The following DICER1 variants were observed in gnomAD, a reference collection of about 807,000 sequenced individuals.
The protein encoded by DICER1 is endoribonuclease Dicer.
In DICER1, 43 loss-of-function variants were observed where a neutral mutation model predicts 194.1. The ratio of observed to expected loss-of-function variants is 0.22; its 90% CI spans 0.17 to 0.29. The LOEUF (loss-of-function observed/expected upper bound fraction) is 0.29. Among genes scored for constraint, DICER1 ranks in the 10% least tolerant of loss-of-function variants. The pLI, the probability that DICER1 is intolerant of heterozygous loss-of-function variation, is 1.00. For missense variants in DICER1, 1,608 were observed against 2,317.0 expected, an observed-to-expected ratio of 0.69 and a Z score of 6.28; for synonymous variants, 832 against 820.5, an observed-to-expected ratio of 1.01 and a Z score of -0.24.
chr14:95,119,845 A>G (rs1391501653), intron 8 of DICER1, among the ~76,000 whole-genome samples: 2 of 152,250 alleles, frequency 1.3e-5, no homozygotes, highest in Non-Finnish European at 2.9e-5. Flanking sequence ...ATATAAAATT[A>G]CTGTCAAACT....
intron 1 of DICER1, 129 bp from the exon 2 acceptor site, chr14:95,133,632 C>A: frequency 2.7e-6 from 2 of 736,912 alleles, no homozygotes; most frequent in South Asian, 1.8e-5. Context: ...ATTGTTTTAG[C>A]TTTTTCTTGA....
rs1489631586 is a variant in DICER1, at chr14:95,108,248, TTAC to T, written c.2436+73_2436+75del. 8.4e-6 allele frequency: 12 copies of T among 1,435,882 alleles called. No individual in the cohort carries two copies. The East Asian group carries it at 2.0e-4, about 24-fold the overall frequency. The allele number at this position is 1,435,882 out of a possible 1,614,324, so 88.9% of individuals were successfully genotyped here. A position where few individuals can be genotyped will look rare whatever the true frequency, so the allele number is the denominator to read the frequency against. On this transcript the variant is annotated intron_variant, in intron 15 of 26. Transcript: ENST00000343455. Reference sequence around the variant, plus strand: ...AACATACTGAGGTAACAAAAGGTACTTACTACTAGTTTTTTTTTTTTTCCTTTT... The same window carrying T: ...AACATACTGAGGTAACAAAAGGTACTTACTAGTTTTTTTTTTTTTCCTTTT...
chr14:95,103,482 T>C lies in DICER1; in HGVS notation c.3914A>G (p.Asn1305Ser). ...GLILQALTLS[N>S]ASDGFNLERL... Reference sequence around the variant, plus strand: ...CTCCAGGTTAAATCCATCACTAGCGTTTGACAGAGTCAAAGCCTGAAGAAT... The same window carrying C: ...CTCCAGGTTAAATCCATCACTAGCGCTTGACAGAGTCAAAGCCTGAAGAAT... Residue 1305 changes from asparagine to serine, a missense_variant, in exon 21 of 27, where the codon AAC (asparagine) becomes AGC (serine). Physicochemically the swap from Asn to Ser is conservative, Grantham distance 46 (BLOSUM62 1). Coordinates refer to ENST00000343455, the MANE Select transcript of DICER1 (RefSeq NM_177438.3). 6.2e-7 allele frequency: 1 copy of C among 1,614,108 alleles called. No homozygotes were observed. The highest frequency in any genetic ancestry group is 8.5e-7 in the Non-Finnish European group (1 of 1,180,016).
At chr14:95,122,167 CA>C (rs1306183348) in intron 8 of DICER1, among the ~76,000 whole-genome samples, 2 of 152,104 alleles carry the variant, frequency 1.3e-5, no homozygotes, top group Non-Finnish European at 2.9e-5. Flanking sequence ...AAGTTGATCA[CA>C]ATTCATCTGA....
At chr14:95,129,861 T>C (rs1409098868) in intron 5 of DICER1, among the ~76,000 whole-genome samples, 197 bp downstream of exon 5, 2 of 152,220 alleles carry the variant, frequency 1.3e-5, no homozygotes, top group African/African-American at 4.8e-5. Context: ...CTATGAAAAT[T>C]ATATAGAATT....
chr14:95,096,190 C>T lies in DICER1; in HGVS notation c.4730G>A (p.Arg1577Lys), dbSNP rs1447972626. 1.9e-6 allele frequency: 3 copies of T among 1,614,220 alleles called. No individual in the cohort carries two copies. The highest frequency in any genetic ancestry group is 2.5e-6 in the Non-Finnish European group (3 of 1,180,038). ...TGAACAGAGGAAAAGCTGAGCAGCC[C>T]TCTCCCCACAGCTGGTTAAATAGCA... The part of the protein sequence containing the change: ...LGCYLTSCGE[R>K]AAQLFLCSLG... The change falls in exon 23 of 27, where the codon AGG becomes AAG. Residue 1577 changes from arginine (R) to lysine (K), a missense_variant. Arg to Lys is a conservative substitution (Grantham distance 26). Around this residue, in one of 10 missense-constraint regions of DICER1, gnomAD observed 125 missense variants for 134.9 expected, o/e 0.93. Coordinates refer to ENST00000343455, the MANE Select transcript of DICER1 (RefSeq NM_177438.3).
intron 1 of DICER1, among the ~76,000 whole-genome samples, chr14:95,143,824 C>T (rs964466158): frequency 5.3e-5 from 8 of 152,102 alleles, no homozygotes; most frequent in African/African-American, 1.9e-4. Context: ...CTAACATTAG[C>T]TTTTTTATTT....
rs1889649555 is a variant in DICER1, at chr14:95,090,071, T to C, written c.*427A>G. The C allele has an allele frequency of 2.8e-6, 1 of 352,940 alleles. No homozygotes were observed. Among genetic ancestry groups the C allele is most frequent in the Non-Finnish European group, 5.3e-6 (1 of 189,804 alleles). The allele number at this position is 352,940 out of a possible 1,614,324, so 21.9% of individuals were successfully genotyped here. ...TCAACTACTGCAGGACTGGCACTAC[T>C]GCACACACGGAGAGATGGAGAAGAA... is the stretch of plus-strand genomic sequence containing the variant. On this transcript the variant is annotated 3_prime_UTR_variant, in exon 27 of 27. Transcript: ENST00000343455.
rs538963340 is a variant in DICER1 at position 95,097,948 on chromosome 14, G to C, written c.4207-1235C>G. Among the ~76,000 whole-genome samples, 4 of 152,224 alleles carry C rather than the reference G, an allele frequency of 2.6e-5. No individual in the cohort carries two copies. The East Asian group carries it at 7.7e-4, about 29-fold the overall frequency. On this transcript the variant is annotated intron_variant, in intron 22 of 26. Coordinates refer to ENST00000343455, the MANE Select transcript of DICER1 (RefSeq NM_177438.3). Reference sequence around the variant, plus strand: ...CTGCTAACAATCTTAGACTTTCCAAGGCAACATGAAGATGTTTTTGATTGG... The same window carrying C: ...CTGCTAACAATCTTAGACTTTCCAACGCAACATGAAGATGTTTTTGATTGG...
In DICER1 at chr14:95,116,431, CATGTTA is replaced by C. The variant is rs777876738; in HGVS notation, c.1752+16_1752+21del. ...AATTTTTTTTCCCAATCTGCCGGCACATGTTAATATGTTGATCTTACCTTTTCAATA... is the reference window on the plus strand; with the variant it reads ...AATTTTTTTTCCCAATCTGCCGGCACATATGTTGATCTTACCTTTTCAATA... On this transcript the variant is annotated intron_variant, in intron 10 of 26. Transcript: ENST00000343455. 32 of 1,607,192 alleles carry C rather than the reference CATGTTA, an allele frequency of 2.0e-5. No homozygotes were observed. In the South Asian group the frequency reaches 3.5e-4, roughly 18 times the overall value.
At position 95,095,600 on chromosome 14, in the gene DICER1, G is replaced by A. The variant is rs1388993230; in HGVS notation, c.5095+225C>T. On this transcript the variant is annotated intron_variant, in intron 23 of 26. Transcript: ENST00000343455. The stretch of plus-strand genomic sequence containing the variant: ...GGCAGATATAAAATGACACTGATGA[G>A]GGTATATGATAGCCATACTCCCAAC... 1.6e-5 allele frequency: 9 copies of A among 577,272 alleles called. No individual in the cohort carries two copies. In the Admixed American group the frequency reaches 2.2e-4, roughly 14 times the overall value. 35.8% of individuals were successfully genotyped at this position (577,272 alleles called of 1,614,324 possible). A position where few individuals can be genotyped will look rare whatever the true frequency, so the allele number is the denominator to read the frequency against.
Position 95,105,268 on chromosome 14 carries a change from G to A in DICER1, c.3094-22C>T, listed in dbSNP as rs2139988975. ...GTATCTTCAAGTAAGGGGAAAAATG[G>A]ACAGATAAATACAAAGCGCACACAC... On this transcript the variant is annotated intron_variant, in intron 19 of 26. Coordinates refer to ENST00000343455, the MANE Select transcript of DICER1 (RefSeq NM_177438.3). The surrounding 1 kb of genome is among the most constrained non-coding windows in gnomAD (Gnocchi z 4.9). The A allele has an allele frequency of 1.2e-6, 2 of 1,603,522 alleles. No homozygotes were observed. The highest frequency in any genetic ancestry group is 1.7e-6 in the Non-Finnish European group (2 of 1,171,794).
chr14:95,099,993 A>G, intron 21 of DICER1, 58 bp from the exon 22 acceptor site: 1 of 1,582,000 alleles, frequency 6.3e-7, no homozygotes, highest in South Asian at 1.1e-5. Context: ...GAATTCATTC[A>G]AGGCATATTA....
chr14:95,090,328 CAT>C lies in DICER1; in HGVS notation c.*168_*169del, dbSNP rs1247943199. 1.5e-5 allele frequency: 11 copies of C among 719,550 alleles called. No individual in the cohort carries two copies. The highest frequency in any genetic ancestry group is 9.2e-5 in the South Asian group (5 of 54,426). The allele number at this position is 719,550 out of a possible 1,614,324, so 44.6% of individuals were successfully genotyped here. On this transcript the variant is annotated 3_prime_UTR_variant, in exon 27 of 27. Transcript: ENST00000343455. ...CTACAATTAGTTCCAAAATTTTATA[CAT>C]ATGTTAAATGTTTTATTCTGTTATC...
Position 95,087,212 on chromosome 14 carries a change from C to T in DICER1, c.*3286G>A, listed in dbSNP as rs565097712. ...AGCCTCAAGTTTCATGTTGTCAAGG[C>T]AGGGTATCAGAATCTTTCTGAGGGC... On this transcript the variant is annotated 3_prime_UTR_variant, in exon 27 of 27. Coordinates refer to ENST00000343455, the MANE Select transcript of DICER1 (RefSeq NM_177438.3). 8.6e-6 allele frequency: 2 copies of T among 233,166 alleles called. No homozygotes were observed. Among genetic ancestry groups the T allele is most frequent in the Admixed American group, 1.1e-4 (2 of 17,774 alleles). 14.4% of individuals were successfully genotyped at this position (233,166 alleles called of 1,614,324 possible). A position where few individuals can be genotyped will look rare whatever the true frequency, so the allele number is the denominator to read the frequency against.
At position 95,102,343 on chromosome 14, in the gene DICER1, T is replaced by G. The variant is rs116925319; in HGVS notation, c.4050+1003A>C. 7.9e-3 allele frequency among the ~76,000 whole-genome samples: 1,203 copies of G among 152,296 alleles called. 9 individuals carry two copies. Among genetic ancestry groups the G allele is most frequent in the Non-Finnish European group, 0.012 (796 of 68,024 alleles). Reference sequence around the variant, plus strand: ...TTTTAAACTACCACTTTATTAACATTAATAGTTCCTTGCTCTAAATTCCTT... The same window carrying G: ...TTTTAAACTACCACTTTATTAACATGAATAGTTCCTTGCTCTAAATTCCTT... On this transcript the variant is annotated intron_variant, in intron 21 of 26. Coordinates refer to ENST00000343455, the MANE Select transcript of DICER1 (RefSeq NM_177438.3).
intron 1 of DICER1, among the ~76,000 whole-genome samples, chr14:95,145,286 C>T (rs1341307581): frequency 1.3e-5 from 2 of 152,172 alleles, no homozygotes; most frequent in African/African-American, 4.8e-5. Context: ...TCCAAACAAG[C>T]TAGCCATTAT....
At position 95,124,703 on chromosome 14, in the gene DICER1, A is replaced by G; in HGVS notation, c.904-35T>C. 1 of 1,492,000 alleles carries G rather than the reference A, an allele frequency of 6.7e-7. No individual in the cohort carries two copies. The allele number at this position is 1,492,000 out of a possible 1,614,324, so 92.4% of individuals were successfully genotyped here. ...AAAGAAAAGAAAAAACCTAATGCCA[A>G]ATAATAATAATGTAGCATTTTCATG... On this transcript the variant is annotated intron_variant, in intron 7 of 26. Transcript: ENST00000343455. This position sits in a 1 kb window ranked among gnomAD's most constrained non-coding sequence, Gnocchi z 4.5.
rs978992253 is a variant in DICER1, at chr14:95,157,320, G to GCCGCCGCCC, written c.-145_-137dup. 1.9e-5 allele frequency: 3 copies of GCCGCCGCCC among 155,030 alleles called. No homozygotes were observed. Among genetic ancestry groups the GCCGCCGCCC allele is most frequent in the South Asian group, 1.8e-4 (1 of 5,564 alleles). The allele number at this position is 155,030 out of a possible 1,614,324, so 9.6% of individuals were successfully genotyped here. A position where few individuals can be genotyped will look rare whatever the true frequency, so the allele number is the denominator to read the frequency against. On this transcript the variant is annotated 5_prime_UTR_variant, in exon 1 of 27. Coordinates refer to ENST00000343455, the MANE Select transcript of DICER1 (RefSeq NM_177438.3). ...CCCAGGCCTCCCGGAGCCGCCCGGC[G>GCCGCCGCCC]CCGCCGCCCCCGCCGCCATTTCCTC...
Sources: allele counts gnomAD v4.1 joint callset (sites outside exome capture counted in the v4.1 genomes callset), GRCh38; gene constraint gnomAD v4.1.1; regional missense constraint gnomAD v4.1.1; non-coding constraint Gnocchi (gnomAD v3.1); transcripts MANE v1.5; gene names NCBI Gene and HGNC (gene_info 2026-07-23, HGNC 2026-07-21).